Variants in EPC1 observed in about 807,000 individuals in gnomAD.
EPC1 encodes enhancer of polycomb 1, also known as enhancer of polycomb homolog 1.
In EPC1, 12 loss-of-function variants were observed where a neutral mutation model predicts 98.4. That is an observed-to-expected ratio of 0.12 (90% CI 0.08 to 0.20). The LOEUF is 0.20. Ranked by LOEUF, EPC1 falls within the 10% of genes least tolerant of loss-of-function variation. The pLI, the probability that EPC1 is intolerant of heterozygous loss-of-function variation, is 1.00. For synonymous variants in EPC1, 357 were observed against 363.9 expected (o/e 0.98, Z 0.21); for missense variants, 729 against 990.5 (o/e 0.74, Z 3.54).
At chr10:32,347,290 C>T (rs1838913424), upstream of EPC1, 2 of 848,924 alleles carry the variant, frequency 2.4e-6, no homozygotes, top group African/African-American at 1.8e-5. Context: ...CCCCCGGCAC[C>T]CGCCGGCCTC....
intron 2 of EPC1, among the ~76,000 whole-genome samples, chr10:32,295,136 T>C (rs1232809666): frequency 2.0e-5 from 3 of 152,140 alleles, no homozygotes; most frequent in African/African-American, 7.2e-5. Context: ...GCCTCCCTAT[T>C]AGAATGTGTG....
intron 3 of EPC1, 45 bp from the exon 4 acceptor site, chr10:32,293,239 A>G: frequency 7.3e-7 from 1 of 1,363,364 alleles, no homozygotes; most frequent in Non-Finnish European, 1.0e-6. Flanking sequence ...TACACATACA[A>G]GGTTCATAAG....
At chr10:32,352,141 T>A (rs1016046141), upstream of EPC1, among the ~76,000 whole-genome samples, 1 of 149,902 alleles carries the variant, frequency 6.7e-6, no homozygotes, top group African/African-American at 2.5e-5. Flanking sequence ...GCCTCCCAGG[T>A]TCACGCCATT....
At chr10:32,301,038 A>ATATCTATCTATCTATC (rs145962262) in intron 2 of EPC1, among the ~76,000 whole-genome samples, 11 of 143,108 alleles carry the variant, frequency 7.7e-5, no homozygotes, top group Admixed American at 1.4e-4. Flanking sequence ...AAGCACATTT[A>ATATCTATCTATCTATC]TATCTATCTA....
rs547050520 is a variant in EPC1, at chr10:32,269,152, C to A, written c.2370-17G>T. ...TGATTTTCCCTGTTGAAATAAAGTT[C>A]AATCAATTACTTATCTACAACATAA... On this transcript the variant is annotated splice_polypyrimidine_tract_variant and intron_variant, in intron 13 of 13. Coordinates refer to ENST00000319778, the MANE Select transcript of EPC1 (RefSeq NM_001272004.3). 1 of 1,601,304 alleles carries A rather than the reference C, an allele frequency of 6.2e-7. No individual in the cohort carries two copies. The highest frequency in any genetic ancestry group is 1.1e-5 in the South Asian group (1 of 90,368).
chr10:32,327,707 G>A (rs944838024), intron 1 of EPC1, among the ~76,000 whole-genome samples: 6 of 152,194 alleles, frequency 3.9e-5, no homozygotes, highest in African/African-American at 1.2e-4. Flanking sequence ...ATAGCTTACA[G>A]ACTACTAACC....
At chr10:32,378,690 CT>C in exon 1 of EPC1, 1 of 490,828 alleles carries the variant, frequency 2.0e-6, no homozygotes, top group South Asian at 3.6e-5. Context: ...GATCTGTGGG[CT>C]TTTGGGGGAA....
intron 10 of EPC1, among the ~76,000 whole-genome samples, chr10:32,279,273 G>A (rs960498346): frequency 7.2e-5 from 11 of 151,782 alleles, no homozygotes; most frequent in African/African-American, 1.7e-4. Context: ...CGCTGAACCC[G>A]GTAGGCGGAG....
chr10:32,296,249 T>G (rs1302975208), intron 2 of EPC1, among the ~76,000 whole-genome samples: 4 of 152,176 alleles, frequency 2.6e-5, no homozygotes, highest in Admixed American at 6.5e-5. Context: ...TTCTGCTTCT[T>G]AAGGTTATAT....
intron 1 of EPC1, among the ~76,000 whole-genome samples, chr10:32,317,339 G>T (rs572210024): frequency 6.2e-4 from 94 of 152,220 alleles, no homozygotes; most frequent in Middle Eastern, 3.4e-3. Context: ...ATTTCATAAA[G>T]AAACAAAGAT....
intron 2 of EPC1, among the ~76,000 whole-genome samples, chr10:32,296,762 C>G (rs920217151): frequency 1.3e-5 from 2 of 152,092 alleles, no homozygotes; most frequent in African/African-American, 4.8e-5. Context: ...CAAAATTTAG[C>G]TGGGCGTGGT....
At chr10:32,378,505 A>C (rs1839915898) in exon 1 of EPC1, 1 of 1,545,264 alleles carries the variant, frequency 6.5e-7, no homozygotes, top group Admixed American at 2.0e-5. Context: ...AGTGCAGGCA[A>C]AGAAGACGGC....
intron 10 of EPC1, among the ~76,000 whole-genome samples, chr10:32,278,947 A>G (rs1592537946): frequency 2.0e-5 from 3 of 152,300 alleles, no homozygotes; most frequent in East Asian, 3.9e-4. Flanking sequence ...TCTTAGTGTG[A>G]ATATTCTTGC....
intron 2 of EPC1, among the ~76,000 whole-genome samples, chr10:32,298,904 G>C (rs925988169): frequency 6.6e-6 from 1 of 152,074 alleles, no homozygotes; most frequent in African/African-American, 2.4e-5. Flanking sequence ...CAGGATATCT[G>C]TTCTGAGAGG....
intron 1 of EPC1, among the ~76,000 whole-genome samples, chr10:32,358,181 T>C (rs1407001697): frequency 6.6e-6 from 1 of 152,158 alleles, no homozygotes; most frequent in Non-Finnish European, 1.5e-5. Flanking sequence ...TTGAGAATGC[T>C]CCCATCTCAT....
At chr10:32,355,607 C>CTTT (rs542748610) in intron 1 of EPC1, among the ~76,000 whole-genome samples, 42 of 72,872 alleles carry the variant, frequency 5.8e-4, no homozygotes, top group African/African-American at 1.9e-3. Context: ...GTGCCTTACC[C>CTTT]TTTTTTTTTT....
intron 1 of EPC1, among the ~76,000 whole-genome samples, chr10:32,314,273 A>G (rs1836425938): frequency 6.6e-6 from 1 of 152,258 alleles, no homozygotes; most frequent in African/African-American, 2.4e-5. Context: ...AGTTTTCTAT[A>G]CATAGCAATA....
chr10:32,273,372 T>C lies in EPC1; in HGVS notation c.1745-91A>G, dbSNP rs1350034112. On this transcript the variant is annotated intron_variant, in intron 10 of 13. Coordinates refer to ENST00000319778, the MANE Select transcript of EPC1 (RefSeq NM_001272004.3). The stretch of plus-strand genomic sequence containing the variant: ...AAACAAAAATTCTGCATTAAATCTG[T>C]GCAAAATTGAAGCATCTGACAAAGG... 2.7e-6 allele frequency: 4 copies of C among 1,456,948 alleles called. No homozygotes were observed. In the African/African-American group the frequency reaches 4.3e-5, roughly 16 times the overall value. 90.3% of individuals were successfully genotyped at this position (1,456,948 alleles called of 1,614,324 possible). A position where few individuals can be genotyped will look rare whatever the true frequency, so the allele number is the denominator to read the frequency against.
intron 6 of EPC1, among the ~76,000 whole-genome samples, chr10:32,290,483 CA>C (rs57193296): frequency 2.5e-5 from 1 of 40,156 alleles, no homozygotes; most frequent in African/African-American, 1.3e-4. Flanking sequence ...AAGACTCTGT[CA>C]AAAAAAAAAA....
Sources: gnomAD v4.1 joint callset for allele counts (sites outside exome capture counted in the v4.1 genomes callset) on GRCh38, gnomAD v4.1.1 for gene constraint, MANE v1.5 for transcripts, NCBI Gene and HGNC (gene_info 2026-07-23, HGNC 2026-07-21) for gene names.